GFOD1: variants seen among roughly 807,000 people sequenced by gnomAD.
The protein encoded by GFOD1 is glucose-fructose oxidoreductase domain-containing protein 1.
Under a neutral mutation model 25.4 loss-of-function variants are expected in GFOD1, and 9 were observed. The observed-to-expected ratio is 0.35, with a 90% CI of 0.21 to 0.62. The LOEUF (loss-of-function observed/expected upper bound fraction) is 0.62, where lower values mean the gene tolerates loss of function less well. GFOD1 is among the 20% of genes least tolerant of loss of function. The probability of loss-of-function intolerance (pLI) is 0.72; values close to 1 mark genes in which losing one functional copy is unlikely to be tolerated. For missense variants in GFOD1, 403 were observed against 556.9 expected (o/e 0.72, Z 2.78); for synonymous variants, 253 against 245.6 (o/e 1.03, Z -0.28).
intron 1 of GFOD1, among the ~76,000 whole-genome samples, chr6:13,380,148 G>A (rs972183590): frequency 2.0e-5 from 3 of 152,246 alleles, no homozygotes; most frequent in Admixed American, 2.0e-4. Context: ...AGGGAGGTAA[G>A]TGCGTGGCAG....
At chr6:13,440,539 C>T (rs551266493) in intron 1 of GFOD1, among the ~76,000 whole-genome samples, 2 of 152,298 alleles carry the variant, frequency 1.3e-5, no homozygotes, top group South Asian at 2.1e-4. Flanking sequence ...GGACTGTAAT[C>T]AGTCCATCTA....
At chr6:13,391,017 G>A (rs973221474) in intron 1 of GFOD1, among the ~76,000 whole-genome samples, 9 of 152,074 alleles carry the variant, frequency 5.9e-5, no homozygotes, top group South Asian at 2.1e-4. Flanking sequence ...CTGGCCCAGC[G>A]CAAAGACCAT....
At chr6:13,405,181 T>C (rs1785922826) in intron 1 of GFOD1, among the ~76,000 whole-genome samples, 1 of 152,196 alleles carries the variant, frequency 6.6e-6, no homozygotes, top group South Asian at 2.1e-4. Context: ...TTTTTAAAAG[T>C]TCATTTAAAT....
At chr6:13,387,409 C>T (rs1785497189) in intron 1 of GFOD1, among the ~76,000 whole-genome samples, 1 of 152,186 alleles carries the variant, frequency 6.6e-6, no homozygotes, top group South Asian at 2.1e-4. Context: ...CATCAAAAAG[C>T]TTATCCACCA....
intron 1 of GFOD1, among the ~76,000 whole-genome samples, chr6:13,410,005 GTTTTTTT>G (rs56252038): frequency 1.6e-5 from 2 of 121,602 alleles, no homozygotes; most frequent in African/African-American, 3.1e-5. Context: ...CGGATTTTTA[GTTTTTTT>G]TTTTTTTTTT....
intron 1 of GFOD1, among the ~76,000 whole-genome samples, chr6:13,468,392 G>A (rs777963756): frequency 6.6e-6 from 1 of 152,074 alleles, no homozygotes; most frequent in Non-Finnish European, 1.5e-5. Flanking sequence ...TCCTACTGTG[G>A]AACATTTATG....
chr6:13,421,147 C>G (rs1010362541), intron 1 of GFOD1, among the ~76,000 whole-genome samples: 1 of 152,070 alleles, frequency 6.6e-6, no homozygotes, highest in Non-Finnish European at 1.5e-5. Context: ...ATTTTTGAAG[C>G]TTTTGTTTTT....
At chr6:13,486,132 C>T (rs1209774229) in intron 1 of GFOD1, 2 of 987,858 alleles carry the variant, frequency 2.0e-6, no homozygotes, top group East Asian at 2.3e-4. Flanking sequence ...AGGGCAGGTC[C>T]TCTATCGCAC....
intron 1 of GFOD1, among the ~76,000 whole-genome samples, chr6:13,366,481 G>A (rs746250700): frequency 8.5e-5 from 13 of 152,064 alleles, no homozygotes; most frequent in East Asian, 3.9e-4. Context: ...GATTACAGGC[G>A]CCCGCCACCA....
intron 1 of GFOD1, among the ~76,000 whole-genome samples, chr6:13,397,721 G>A (rs746423625): frequency 1.2e-4 from 18 of 152,212 alleles, no homozygotes; most frequent in Non-Finnish European, 2.2e-4. Context: ...AGCAGAAGAT[G>A]GTGATGTCTT....
chr6:13,483,184 C>T (rs1201037515), intron 1 of GFOD1, among the ~76,000 whole-genome samples: 2 of 151,130 alleles, frequency 1.3e-5, no homozygotes, highest in African/African-American at 4.9e-5. Context: ...GATGGGGGCA[C>T]ACAGTGCTGA....
At chr6:13,413,117 T>G (rs2127566552) in intron 1 of GFOD1, among the ~76,000 whole-genome samples, 1 of 152,338 alleles carries the variant, frequency 6.6e-6, no homozygotes, top group Admixed American at 6.5e-5. Context: ...GCCTGCACCC[T>G]AGACTGAGGG....
intron 1 of GFOD1, among the ~76,000 whole-genome samples, chr6:13,400,536 T>C (rs139622806): frequency 2.8e-3 from 427 of 152,366 alleles, no homozygotes; most frequent in South Asian, 7.0e-3. Context: ...GAACCTCCGT[T>C]TCGAGTTTAT....
intron 1 of GFOD1, among the ~76,000 whole-genome samples, chr6:13,390,775 G>GAA (rs1562202649): frequency 2.6e-4 from 31 of 118,374 alleles, no homozygotes; most frequent in Non-Finnish European, 1.9e-4. Context: ...GAGAGAGAGA[G>GAA]AGAGAAAGGA....
chr6:13,381,159 G>A (rs977703771), intron 1 of GFOD1, among the ~76,000 whole-genome samples: 18 of 152,340 alleles, frequency 1.2e-4, no homozygotes, highest in African/African-American at 4.3e-4. Context: ...GAGTCCTGGT[G>A]CTTTGTTTTC....
In GFOD1 at chr6:13,409,169, A is replaced by G. The variant is rs56340960; in HGVS notation, c.254-43507T>C. On this transcript the variant is annotated intron_variant, in intron 1 of 1. Coordinates refer to ENST00000379287, the MANE Select transcript of GFOD1 (RefSeq NM_018988.4). ...AGAAAGAGAGGAAAGAAAGAAAGGA[A>G]AGAGAGAGAGAGAGAGAAAGAAAGA... is the stretch of plus-strand genomic sequence containing the variant. Among the ~76,000 whole-genome samples, 6 of 53,266 alleles carry G rather than the reference A, an allele frequency of 1.1e-4. 1 individual carries two copies. The highest frequency in any genetic ancestry group is 2.3e-4 in the African/African-American group (5 of 21,318). The allele number at this position is 53,266 out of a possible 152,430, so 34.9% of individuals were successfully genotyped here. A position where few individuals can be genotyped will look rare whatever the true frequency, so the allele number is the denominator to read the frequency against.
intron 1 of GFOD1, among the ~76,000 whole-genome samples, chr6:13,429,509 C>G (rs767126837): frequency 6.6e-6 from 1 of 152,182 alleles, no homozygotes; most frequent in African/African-American, 2.4e-5. Flanking sequence ...TTTGGGTTTA[C>G]TGCTAGCCAA....
chr6:13,397,661 T>C (rs1382556924), intron 1 of GFOD1, among the ~76,000 whole-genome samples: 1 of 152,098 alleles, frequency 6.6e-6, no homozygotes, highest in Non-Finnish European at 1.5e-5. Context: ...GAGAGCAGGG[T>C]GGGGAACAGG....
intron 1 of GFOD1, among the ~76,000 whole-genome samples, chr6:13,426,530 C>T (rs1467083845): frequency 1.3e-5 from 2 of 152,220 alleles, no homozygotes; most frequent in African/African-American, 4.8e-5. Context: ...AAGGATCCCA[C>T]TTCCATTGCC....
Sources: gnomAD v4.1 joint callset for allele counts (sites outside exome capture counted in the v4.1 genomes callset) on GRCh38, gnomAD v4.1.1 for gene constraint, MANE v1.5 for transcripts, NCBI Gene and HGNC (gene_info 2026-07-23, HGNC 2026-07-21) for gene names.